The following MEI1 variants were observed in gnomAD, a reference collection of about 807,000 sequenced individuals.
The protein encoded by MEI1 is meiotic double-stranded break formation protein 1.
In MEI1, 103 loss-of-function variants were observed where a neutral mutation model predicts 146.2. The observed-to-expected ratio is 0.70, with a 90% CI of 0.60 to 0.83. MEI1 has a LOEUF of 0.83. MEI1 is among the 40% of genes least tolerant of loss of function. The pLI is 0.00. For synonymous variants in MEI1, 652 were observed against 628.2 expected (o/e 1.04, Z -0.57); for missense variants, 1,529 against 1,533.0 (o/e 1.00, Z 0.04).
At chr22:41,745,729 C>T (rs527704041) in intron 13 of MEI1, among the ~76,000 whole-genome samples, 156 bp from the exon 14 acceptor site, 162 of 152,144 alleles carry the variant, frequency 1.1e-3, no homozygotes, top group African/African-American at 3.5e-3. Context: ...CAAGTCCTCT[C>T]CTCATTGTGG....
At position 41,795,238 on chromosome 22, in the gene MEI1, C is replaced by A. The variant is rs12330030; in HGVS notation, c.3535-173C>A. On this transcript the variant is annotated intron_variant, in intron 28 of 30. Transcript: ENST00000401548. This position sits in a 1 kb window ranked among gnomAD's most constrained non-coding sequence, Gnocchi z 4.2. The stretch of plus-strand genomic sequence containing the variant: ...GGATCTCACAGGTTGCCTTACTTAC[C>A]CCACTTCCCCATGACACAGTCCCAC... 0.066 allele frequency among the ~76,000 whole-genome samples: 10,109 copies of A among 152,096 alleles called. 908 individuals carry two copies. The highest frequency in any genetic ancestry group is 0.2 in the African/African-American group (8,480 of 41,416).
intron 17 of MEI1, among the ~76,000 whole-genome samples, chr22:41,755,133 G>C (rs2074007712): frequency 6.6e-6 from 1 of 152,152 alleles, no homozygotes; most frequent in African/African-American, 2.4e-5. Context: ...GCTGTGGATA[G>C]AGCGATTATA....
At position 41,776,083 on chromosome 22, in the gene MEI1, T is replaced by A. The variant is rs770210729; in HGVS notation, c.2545-19T>A. ...ACTGCAGTACCCTCTGATCTCTGGCTTTCTTCTCTCCTGCTCAGGACCTCA... is the reference window on the plus strand; with the variant it reads ...ACTGCAGTACCCTCTGATCTCTGGCATTCTTCTCTCCTGCTCAGGACCTCA... On this transcript the variant is annotated intron_variant, in intron 20 of 30. Transcript: ENST00000401548. 1 of 1,611,466 alleles carries A rather than the reference T, an allele frequency of 6.2e-7. No individual in the cohort carries two copies. Among genetic ancestry groups the A allele is most frequent in the African/African-American group, 1.3e-5 (1 of 74,990 alleles).
chr22:41,775,342 C>T lies in MEI1; in HGVS notation c.2545-760C>T, dbSNP rs146067538. On this transcript the variant is annotated intron_variant, in intron 20 of 30. Transcript: ENST00000401548. ...AATTTATCCTCTGCCTGCCCAGTGACATCATTTCTCTTTCCTTCTTCTCTT... is the reference window on the plus strand; with the variant it reads ...AATTTATCCTCTGCCTGCCCAGTGATATCATTTCTCTTTCCTTCTTCTCTT... Among the ~76,000 whole-genome samples, 97 of 152,214 alleles carry T rather than the reference C, an allele frequency of 6.4e-4. 2 individuals are homozygous for T. In the East Asian group the frequency reaches 0.019, roughly 29 times the overall value.
At position 41,703,684 on chromosome 22, in the gene MEI1, A is replaced by G. The variant is rs5758427; in HGVS notation, c.298+230A>G. Among the ~76,000 whole-genome samples the G allele has an allele frequency of 0.82, 124,449 of 152,196 alleles. 52,041 individuals are homozygous for G. Among genetic ancestry groups the G allele is most frequent in the African/African-American group, 0.95 (39,300 of 41,544 alleles). ...CCAAGAAGTTAGTAAAAGTAAGAAG[A>G]TGAAAATGGGAAATGTTGGCCGGGC... On this transcript the variant is annotated intron_variant, in intron 2 of 30. Transcript: ENST00000401548.
chr22:41,765,291 C>G (rs942740152), intron 19 of MEI1, among the ~76,000 whole-genome samples: 2 of 152,152 alleles, frequency 1.3e-5, no homozygotes, highest in East Asian at 3.9e-4. Flanking sequence ...GCTGGGATTA[C>G]AGGCATGAGC....
At chr22:41,727,342 A>C (rs1232550286) in intron 7 of MEI1, among the ~76,000 whole-genome samples, 1 of 152,208 alleles carries the variant, frequency 6.6e-6, no homozygotes, top group Non-Finnish European at 1.5e-5. Flanking sequence ...GTTGCAGTTA[A>C]CGCTTTTCTT....
rs765085200 is a variant in MEI1 at position 41,712,654 on chromosome 22, A to G, written c.350-1348A>G. On this transcript the variant is annotated intron_variant, in intron 3 of 30. Transcript: ENST00000401548. ...ATAAAACATTTAAATATATTTAAGT[A>G]TATTTAAATAGAAATAGATGTGTGT... 2.1e-5 allele frequency among the ~76,000 whole-genome samples: 3 copies of G among 143,240 alleles called. No individual in the cohort carries two copies. In the East Asian group the frequency reaches 6.3e-4, roughly 30 times the overall value. The allele number at this position is 143,240 out of a possible 152,430, so 94.0% of individuals were successfully genotyped here.
chr22:41,790,878 C>G (rs951093985), intron 26 of MEI1, among the ~76,000 whole-genome samples: 2 of 152,120 alleles, frequency 1.3e-5, no homozygotes, highest in Admixed American at 1.3e-4. Context: ...CGTGAGCCAC[C>G]ACACCTGGTC....
intron 11 of MEI1, among the ~76,000 whole-genome samples, chr22:41,738,910 T>G (rs994106651): frequency 3.3e-5 from 5 of 152,046 alleles, no homozygotes; most frequent in African/African-American, 1.2e-4. Context: ...GAGGTTACAG[T>G]GAGCTATGAT....
rs546677748 is a variant in MEI1 at position 41,769,991 on chromosome 22, G to A, written c.2269-695G>A. 1.8e-3 allele frequency among the ~76,000 whole-genome samples: 271 copies of A among 151,620 alleles called. 3 individuals carry two copies. The highest frequency in any genetic ancestry group is 1.4e-3 in the Non-Finnish European group (97 of 67,874). On this transcript the variant is annotated intron_variant, in intron 19 of 30. Transcript: ENST00000401548. ...CTCTACTAAAAATACAAAATTAGCC[G>A]GGCATGGTGGCACATGCCTGTAATC...
At chr22:41,704,461 C>T (rs182888468) in intron 2 of MEI1, among the ~76,000 whole-genome samples, 94 of 150,852 alleles carry the variant, frequency 6.2e-4, no homozygotes, top group African/African-American at 2.2e-3. Flanking sequence ...TCGCCCAGGC[C>T]GGAGTCCAGT....
intron 20 of MEI1, 125 bp downstream of exon 20, chr22:41,771,086 G>A: frequency 4.7e-6 from 5 of 1,061,230 alleles, no homozygotes; most frequent in Non-Finnish European, 6.8e-6. Context: ...ATCACTGTCT[G>A]CATGTGAGTT....
At chr22:41,750,578 G>T (rs1382788698) in intron 15 of MEI1, among the ~76,000 whole-genome samples, 1 of 152,086 alleles carries the variant, frequency 6.6e-6, no homozygotes, top group African/African-American at 2.4e-5. Flanking sequence ...AGAAATGGGG[G>T]TGTGAGTAGA....
chr22:41,751,384 C>T (rs1258252960), intron 15 of MEI1, among the ~76,000 whole-genome samples: 2 of 152,122 alleles, frequency 1.3e-5, no homozygotes, highest in African/African-American at 4.8e-5. Flanking sequence ...TTTACAGTGG[C>T]CCAGGGAAGG....
chr22:41,742,883 A>T (rs1485831911), intron 11 of MEI1, among the ~76,000 whole-genome samples, 197 bp from the exon 12 acceptor site: 1 of 152,164 alleles, frequency 6.6e-6, no homozygotes, highest in Non-Finnish European at 1.5e-5. Context: ...GACTCAAGAC[A>T]TCTACTCATC....
chr22:41,787,509 G>T (rs961853347), intron 26 of MEI1, among the ~76,000 whole-genome samples: 2 of 152,182 alleles, frequency 1.3e-5, no homozygotes, highest in African/African-American at 4.8e-5. Context: ...CAGCTGGCCA[G>T]GATCTTAAGA....
At chr22:41,793,331 C>G (rs993073769) in intron 26 of MEI1, among the ~76,000 whole-genome samples, 1 of 149,558 alleles carries the variant, frequency 6.7e-6, no homozygotes, top group Non-Finnish European at 1.5e-5. Context: ...GATGGAGTTT[C>G]GCTCTGTCGC....
chr22:41,770,573 G>A, intron 19 of MEI1, 113 bp from the exon 20 acceptor site: 1 of 1,026,316 alleles, frequency 9.7e-7, no homozygotes, highest in Admixed American at 2.8e-5. Context: ...TAGCCAAGGT[G>A]TCCTGGAATA....
Sources: allele counts gnomAD v4.1 joint callset (sites outside exome capture counted in the v4.1 genomes callset), GRCh38; gene constraint gnomAD v4.1.1; non-coding constraint Gnocchi (gnomAD v3.1); transcripts MANE v1.5; gene names NCBI Gene and HGNC (gene_info 2026-07-23, HGNC 2026-07-21).